STARD13: variants seen among roughly 807,000 people sequenced by gnomAD.
STARD13 encodes stAR-related lipid transfer protein 13.
Under a neutral mutation model 106.4 loss-of-function variants are expected in STARD13, and 62 were observed. That is an observed-to-expected ratio of 0.58 (90% CI 0.48 to 0.72). The LOEUF (loss-of-function observed/expected upper bound fraction) is 0.72, where lower values mean the gene tolerates loss of function less well. Ranked by LOEUF, STARD13 falls within the 30% of genes least tolerant of loss-of-function variation. The probability of loss-of-function intolerance (pLI) is 0.00; values close to 1 mark genes in which losing one functional copy is unlikely to be tolerated. For missense variants in STARD13, 1,387 were observed against 1,424.0 expected, an observed-to-expected ratio of 0.97 and a Z score of 0.42; for synonymous variants, 565 against 553.0, an observed-to-expected ratio of 1.02 and a Z score of -0.31.
the STARD13 span, among the ~76,000 whole-genome samples, chr13:33,358,339 C>A: frequency 1.8e-3 from 274 of 152,338 alleles, 1 homozygote; most frequent in African/African-American, 6.5e-3. Flanking sequence ...CCAGTCCCAT[C>A]GACCACCCAA....
At chr13:33,189,428 TCCTTTCG>T (rs1886054670) in intron 1 of STARD13, among the ~76,000 whole-genome samples, 2 of 17,188 alleles carry the variant, frequency 1.2e-4, no homozygotes, top group Non-Finnish European at 2.9e-4. Context: ...CCCTCCTTCC[TCCTTTCG>T]GAGGAAGGAG....
chr13:33,390,992 C>A, the STARD13 span, among the ~76,000 whole-genome samples: 59 of 152,204 alleles, frequency 3.9e-4, 1 homozygote, highest in African/African-American at 1.4e-3. Flanking sequence ...GGTAACAATT[C>A]AGCTGGTTGC....
At position 33,230,687 on chromosome 13, in the gene STARD13, A is replaced by C. The variant is rs1888873283; in HGVS notation, c.169+54783T>G. Among the ~76,000 whole-genome samples the C allele has an allele frequency of 2.0e-5, 3 of 152,364 alleles. No individual in the cohort carries two copies. The South Asian group carries it at 6.2e-4, about 32-fold the overall frequency. On this transcript the variant is annotated intron_variant, in intron 1 of 13. Coordinates refer to ENST00000336934, the MANE Select transcript of STARD13 (RefSeq NM_178006.4). ...TCATGTTGATTCATCTGAGAATCAC[A>C]TTATCTCTTCTAAAACACTGTTTAC...
chr13:33,300,128 G>T (rs1414992005), intron 1 of STARD13, among the ~76,000 whole-genome samples: 2 of 152,096 alleles, frequency 1.3e-5, no homozygotes, highest in African/African-American at 2.4e-5. Context: ...AACTACATAA[G>T]CTTGGACAAA....
At chr13:33,350,684 C>A (rs1459938475), upstream of STARD13, 5 of 1,161,422 alleles carry the variant, frequency 4.3e-6, no homozygotes, top group Non-Finnish European at 5.3e-6. Context: ...TTCTCCTCCC[C>A]TCCTCCCCTC....
chr13:33,460,884 C>A, the STARD13 span, among the ~76,000 whole-genome samples: 1 of 152,108 alleles, frequency 6.6e-6, no homozygotes, highest in Non-Finnish European at 1.5e-5. Context: ...GCTATTCATA[C>A]AATGAGATAC....
At position 33,103,424 on chromosome 13, in the gene STARD13, A is replaced by G. The variant is rs1447978134; in HGVS notation, c.*2169T>C. ...GTTATGCAGCGGTGATATGATTACT[A>G]TGTGCACAAAAACAAAAAAGTCAGA... On this transcript the variant is annotated 3_prime_UTR_variant, in exon 14 of 14. Transcript: ENST00000336934. The G allele has an allele frequency of 1.3e-5, 2 of 152,648 alleles. No homozygotes were observed. Among genetic ancestry groups the G allele is most frequent in the Non-Finnish European group, 2.9e-5 (2 of 68,040 alleles). The allele number at this position is 152,648 out of a possible 1,614,324, so 9.5% of individuals were successfully genotyped here.
the STARD13 span, among the ~76,000 whole-genome samples, chr13:33,546,060 C>T: frequency 6.6e-6 from 1 of 152,168 alleles, no homozygotes. Context: ...TTTATCCTGG[C>T]TAATTTCATC....
intron 1 of STARD13, among the ~76,000 whole-genome samples, chr13:33,318,401 C>A (rs545373474): frequency 2.6e-5 from 4 of 152,236 alleles, no homozygotes; most frequent in African/African-American, 9.6e-5. Context: ...TGAAGTTAAA[C>A]CCCTACCTTA....
the STARD13 span, among the ~76,000 whole-genome samples, chr13:33,525,014 A>C: frequency 1.8e-4 from 27 of 152,158 alleles, no homozygotes; most frequent in South Asian, 5.6e-3. Context: ...ATTTTAGTTT[A>C]GTTTTATTTC....
chr13:33,667,277 C>T, the STARD13 span, among the ~76,000 whole-genome samples: 2 of 152,182 alleles, frequency 1.3e-5, no homozygotes, highest in African/African-American at 4.8e-5. Context: ...GAATCTCAAG[C>T]TTTACCCTCC....
At chr13:33,544,061 A>C in the STARD13 span, among the ~76,000 whole-genome samples, 1 of 152,360 alleles carries the variant, frequency 6.6e-6, no homozygotes, top group South Asian at 2.1e-4. Context: ...AGGGTGCTGT[A>C]ATACCAAGTA....
Position 33,241,214 on chromosome 13 carries a change from A to G in STARD13, c.169+44256T>C, listed in dbSNP as rs113308925. Among the ~76,000 whole-genome samples the G allele has an allele frequency of 6.2e-3, 951 of 152,302 alleles. 10 individuals are homozygous for G. Among genetic ancestry groups the G allele is most frequent in the African/African-American group, 0.022 (902 of 41,548 alleles). On this transcript the variant is annotated intron_variant, in intron 1 of 13. Coordinates refer to ENST00000336934, the MANE Select transcript of STARD13 (RefSeq NM_178006.4). ...TACAATCTATTAAGTGTCAAAACAG[A>G]CCTCTATTCATAGAAAGTAGATCTA...
chr13:33,350,272 C>T, intron 1 of STARD13: 1 of 1,521,842 alleles, frequency 6.6e-7, no homozygotes, highest in Non-Finnish European at 8.8e-7. Flanking sequence ...TGGGTCGCGG[C>T]GTCTCCGGGG....
At chr13:33,379,853 A>T in the STARD13 span, among the ~76,000 whole-genome samples, 3 of 152,250 alleles carry the variant, frequency 2.0e-5, no homozygotes, top group Non-Finnish European at 4.4e-5. Flanking sequence ...GCTGAGCAAG[A>T]TTTGATTCCA....
chr13:33,285,342 C>A, intron 1 of STARD13, 128 bp downstream of exon 1: 1 of 995,904 alleles, frequency 1.0e-6, no homozygotes. Context: ...TTCAAAGTTA[C>A]GGGTAGTGTG....
At chr13:33,585,344 A>G in the STARD13 span, among the ~76,000 whole-genome samples, 3 of 152,220 alleles carry the variant, frequency 2.0e-5, no homozygotes, top group Non-Finnish European at 4.4e-5. Flanking sequence ...TCATAACATC[A>G]TTATTCATAA....
At chr13:33,465,669 C>T in the STARD13 span, among the ~76,000 whole-genome samples, 1 of 152,160 alleles carries the variant, frequency 6.6e-6, no homozygotes, top group East Asian at 1.9e-4. Flanking sequence ...TCATTTGCTC[C>T]ACTACAGACT....
At chr13:33,367,178 C>T in the STARD13 span, among the ~76,000 whole-genome samples, 5 of 152,176 alleles carry the variant, frequency 3.3e-5, no homozygotes, top group Non-Finnish European at 7.3e-5. Flanking sequence ...TTTATCAGGT[C>T]AGAGATGAGC....
Sources: allele counts gnomAD v4.1 joint callset (sites outside exome capture counted in the v4.1 genomes callset), GRCh38; gene constraint gnomAD v4.1.1; transcripts MANE v1.5; gene names NCBI Gene and HGNC (gene_info 2026-07-23, HGNC 2026-07-21).